Variants in CHD1L observed in about 807,000 individuals in gnomAD.
The protein encoded by CHD1L is ATP-dependent chromatin remodeler CHD1L.
CHD1L carries 118 observed loss-of-function variants against 115.9 expected under a neutral mutation model. The ratio of observed to expected loss-of-function variants is 1.02; its 90% CI spans 0.88 to 1.19. The LOEUF is 1.19. CHD1L is among the 50% of genes most tolerant of loss of function. The probability of loss-of-function intolerance (pLI) is 0.00; values close to 1 mark genes in which losing one functional copy is unlikely to be tolerated. For missense variants in CHD1L, 1,179 were observed against 1,065.3 expected (o/e 1.11, Z -1.49); for synonymous variants, 411 against 387.1 (o/e 1.06, Z -0.72).
upstream of CHD1L, among the ~76,000 whole-genome samples, chr1:147,237,682 G>A (rs1265481112): frequency 6.6e-6 from 1 of 152,190 alleles, no homozygotes; most frequent in Non-Finnish European, 1.5e-5. Context: ...CCATCAATAT[G>A]TCACAAAAGT....
upstream of CHD1L, among the ~76,000 whole-genome samples, chr1:147,239,590 C>A (rs750553147): frequency 6.6e-6 from 1 of 152,182 alleles, no homozygotes; most frequent in Non-Finnish European, 1.5e-5. Context: ...CAAACTGCCT[C>A]CTTCCTTCCA....
chr1:147,242,736 C>T lies in CHD1L; in HGVS notation c.33C>T (p.Gly11=), dbSNP rs906954560. MERAGATSRG[G]QAPGFLLRLH... ...GCGCGGGCGCTACTAGCCGCGGGGG[C>T]CAAGCCCCTGGCTTCTTACTGCGGC... Residue 11 remains glycine (G), a synonymous_variant, in exon 1 of 23, where the codon GGC becomes GGT. Transcript: ENST00000369258. The T allele has an allele frequency of 4.8e-6, 6 of 1,260,398 alleles. No homozygotes were observed. The highest frequency in any genetic ancestry group is 7.8e-5 in the South Asian group (2 of 25,658). The allele number at this position is 1,260,398 out of a possible 1,614,324, so 78.1% of individuals were successfully genotyped here. A position where few individuals can be genotyped will look rare whatever the true frequency, so the allele number is the denominator to read the frequency against.
chr1:147,232,665 G>T, the CHD1L span, among the ~76,000 whole-genome samples: 4 of 152,160 alleles, frequency 2.6e-5, no homozygotes, highest in African/African-American at 9.7e-5. Flanking sequence ...CGCCTGACTG[G>T]TTTTCGTATT....
At chr1:147,222,587 A>C in the CHD1L span, among the ~76,000 whole-genome samples, 1 of 152,204 alleles carries the variant, frequency 6.6e-6, no homozygotes, top group South Asian at 2.1e-4. Context: ...GCTTTAAAAA[A>C]TGGAGATAGT....
chr1:147,271,847 C>G (rs1360718995), intron 11 of CHD1L, among the ~76,000 whole-genome samples: 3 of 152,172 alleles, frequency 2.0e-5, no homozygotes, highest in African/African-American at 7.2e-5. Flanking sequence ...AGAATTACAT[C>G]TCAGCAAAGT....
chr1:147,186,393 T>G, the CHD1L span: 1 of 890,724 alleles, frequency 1.1e-6, no homozygotes. Context: ...TGTCTTATCT[T>G]AGATACATAC....
At chr1:147,185,186 T>C in the CHD1L span, among the ~76,000 whole-genome samples, 1 of 151,640 alleles carries the variant, frequency 6.6e-6, no homozygotes. Context: ...TTTTTTTTTG[T>C]AACCTTGCAT....
the CHD1L span, among the ~76,000 whole-genome samples, chr1:147,234,254 C>T: frequency 6.6e-6 from 1 of 152,280 alleles, no homozygotes; most frequent in Admixed American, 6.5e-5. Flanking sequence ...TGTGATGGCC[C>T]CCTGCTCCCA....
chr1:147,285,565 CTT>C lies in CHD1L; in HGVS notation c.2018+80_2018+81del, dbSNP rs1406638703. The C allele has an allele frequency of 2.1e-6, 3 of 1,398,552 alleles. No homozygotes were observed. The African/African-American group carries it at 4.4e-5, about 20-fold the overall frequency. 86.6% of individuals were successfully genotyped at this position (1,398,552 alleles called of 1,614,324 possible). Reference sequence around the variant, plus strand: ...ATAGTGAGACCACAGTTGAATATCACTTTAAAAATACAGAAAATTCATTTTAA... The same window carrying C: ...ATAGTGAGACCACAGTTGAATATCACTAAAAATACAGAAAATTCATTTTAA... On this transcript the variant is annotated intron_variant, in intron 17 of 22. Coordinates refer to ENST00000369258, the MANE Select transcript of CHD1L (RefSeq NM_004284.6).
intron 15 of CHD1L, among the ~76,000 whole-genome samples, 174 bp from the exon 16 acceptor site, chr1:147,284,177 A>AC (rs2102887584): frequency 6.6e-6 from 1 of 152,284 alleles, no homozygotes; most frequent in South Asian, 2.1e-4. Context: ...CCCCATGTAG[A>AC]ACCCACATTC....
the CHD1L span, among the ~76,000 whole-genome samples, chr1:147,182,386 C>T: frequency 6.6e-6 from 1 of 152,198 alleles, no homozygotes; most frequent in East Asian, 1.9e-4. Context: ...ATAAGGTCCA[C>T]ATGCTGAAGA....
chr1:147,178,850 A>C, the CHD1L span: 110 of 1,584,662 alleles, frequency 6.9e-5, no homozygotes, highest in Non-Finnish European at 8.8e-5. Context: ...ATCTGCCCTC[A>C]CATGACAGAA....
chr1:147,283,222 CT>C (rs1681622989), intron 15 of CHD1L, among the ~76,000 whole-genome samples: 1 of 152,096 alleles, frequency 6.6e-6, no homozygotes, highest in South Asian at 2.1e-4. Flanking sequence ...TGAAAGCCCC[CT>C]GCTGATTTAA....
At chr1:147,186,409 T>C in the CHD1L span, 2 of 906,256 alleles carry the variant, frequency 2.2e-6, no homozygotes, top group South Asian at 1.0e-4. Flanking sequence ...CATACAACTA[T>C]TGTAGGAACA....
intron 10 of CHD1L, among the ~76,000 whole-genome samples, chr1:147,269,992 G>T (rs1553951649): frequency 1.3e-5 from 2 of 152,086 alleles, no homozygotes; most frequent in Non-Finnish European, 2.9e-5. Flanking sequence ...AATGCCTTCT[G>T]GCCAGTTTTT....
At chr1:147,193,600 G>A in the CHD1L span, among the ~76,000 whole-genome samples, 1 of 152,032 alleles carries the variant, frequency 6.6e-6, no homozygotes, top group South Asian at 2.1e-4. Context: ...TGTGATGTTA[G>A]GGTGTCAATT....
upstream of CHD1L, among the ~76,000 whole-genome samples, chr1:147,241,980 A>G (rs1157362988): frequency 1.3e-5 from 2 of 152,172 alleles, no homozygotes; most frequent in Admixed American, 1.3e-4. Flanking sequence ...TTAGGACACC[A>G]CCCAGAACTT....
chr1:147,215,875 A>G, the CHD1L span: 2 of 1,613,640 alleles, frequency 1.2e-6, no homozygotes, highest in East Asian at 4.5e-5. Context: ...ACTGAAGCAC[A>G]TCATCTCTTT....
chr1:147,242,736 C>A lies in CHD1L; in HGVS notation c.33C>A (p.Gly11=). The A allele has an allele frequency of 4.0e-6, 5 of 1,260,398 alleles. No homozygotes were observed. Among genetic ancestry groups the A allele is most frequent in the Non-Finnish European group, 5.0e-6 (5 of 997,126 alleles). 78.1% of individuals were successfully genotyped at this position (1,260,398 alleles called of 1,614,324 possible). A position where few individuals can be genotyped will look rare whatever the true frequency, so the allele number is the denominator to read the frequency against. Residue 11 remains glycine, a synonymous_variant, in exon 1 of 23, where the codon GGC becomes GGA. Coordinates refer to ENST00000369258, the MANE Select transcript of CHD1L (RefSeq NM_004284.6). ...GCGCGGGCGCTACTAGCCGCGGGGG[C>A]CAAGCCCCTGGCTTCTTACTGCGGC... MERAGATSRG[G]QAPGFLLRLH...
Sources: allele counts gnomAD v4.1 joint callset (sites outside exome capture counted in the v4.1 genomes callset), GRCh38; gene constraint gnomAD v4.1.1; transcripts MANE v1.5; gene names NCBI Gene and HGNC (gene_info 2026-07-23, HGNC 2026-07-21).